The following CACNA1A variants were observed in gnomAD, a reference collection of about 807,000 sequenced individuals.
CACNA1A encodes calcium voltage-gated channel subunit alpha1 A, also known as voltage-dependent P/Q-type calcium channel subunit alpha-1A.
CACNA1A carries 57 observed loss-of-function variants against 262.4 expected under a neutral mutation model. That is an observed-to-expected ratio of 0.22 (90% CI 0.18 to 0.27). CACNA1A has a LOEUF of 0.27. CACNA1A is among the 10% of genes least tolerant of loss of function. The pLI, the probability that CACNA1A is intolerant of heterozygous loss-of-function variation, is 1.00. For synonymous variants in CACNA1A, 1,431 were observed against 1,419.3 expected (o/e 1.01, Z -0.18); for missense variants, 2,526 against 3,562.8 (o/e 0.71, Z 7.41).
At chr19:13,392,080 G>A (rs2059720559) in intron 3 of CACNA1A, among the ~76,000 whole-genome samples, 1 of 151,102 alleles carries the variant, frequency 6.6e-6, no homozygotes, top group African/African-American at 2.4e-5. Flanking sequence ...GCACAACGTT[G>A]CATGTCTGTG....
intron 3 of CACNA1A, among the ~76,000 whole-genome samples, chr19:13,390,888 T>C (rs547121329): frequency 9.7e-4 from 147 of 152,260 alleles, no homozygotes; most frequent in Non-Finnish European, 1.1e-3. Flanking sequence ...AACCACCTGC[T>C]ATTGCATCTT....
At chr19:13,413,328 A>T (rs10406678) in intron 3 of CACNA1A, among the ~76,000 whole-genome samples, 3 of 150,618 alleles carry the variant, frequency 2.0e-5, no homozygotes, top group Non-Finnish European at 4.4e-5. Flanking sequence ...GGATGGTCTC[A>T]ATCTCCTGAC....
At chr19:13,260,348 T>TTG (rs1388590119) in intron 26 of CACNA1A, 58 of 140,710 alleles carry the variant, frequency 4.1e-4, no homozygotes, top group Non-Finnish European at 6.2e-4. Context: ...GTTGTTGTTG[T>TTG]TTGTTTGTTT....
intron 3 of CACNA1A, among the ~76,000 whole-genome samples, chr19:13,388,348 C>T (rs1023756261): frequency 6.8e-6 from 1 of 147,418 alleles, no homozygotes; most frequent in African/African-American, 2.5e-5. Context: ...CTCTGCCTCC[C>T]GGGTTCAAGT....
chr19:13,390,848 C>T (rs889950374), intron 3 of CACNA1A, among the ~76,000 whole-genome samples: 3 of 152,142 alleles, frequency 2.0e-5, no homozygotes, highest in Non-Finnish European at 4.4e-5. Context: ...AATGGGACAA[C>T]CAGCATCTGG....
chr19:13,257,218 G>A (rs1020594033), intron 28 of CACNA1A, 132 bp downstream of exon 28: 17 of 675,834 alleles, frequency 2.5e-5, no homozygotes, highest in South Asian at 7.8e-5. Context: ...CCTGAAGACT[G>A]GATTCGGTTG....
At chr19:13,251,131 CAA>C (rs60032613) in intron 30 of CACNA1A, among the ~76,000 whole-genome samples, 1 of 131,492 alleles carries the variant, frequency 7.6e-6, no homozygotes, top group Non-Finnish European at 1.6e-5. Flanking sequence ...GACTGTGTCT[CAA>C]AAAAAAAAAA....
Position 13,206,747 on chromosome 19 carries a change from T to TTGTG in CACNA1A, c.*562_*565dup, listed in dbSNP as rs1231869350. The TTGTG allele has an allele frequency of 6.5e-6, 1 of 154,190 alleles. No individual in the cohort carries two copies. The highest frequency in any genetic ancestry group is 2.4e-5 in the African/African-American group (1 of 41,446). The allele number at this position is 154,190 out of a possible 1,614,324, so 9.6% of individuals were successfully genotyped here. ...GGTTTGGTATAACCGGCAAGCACTC[T>TTGTG]TGTGTGTGTCTGAGAACGTGTGTGG... On this transcript the variant is annotated 3_prime_UTR_variant, in exon 47 of 47. Transcript: ENST00000360228.
intron 22 of CACNA1A, among the ~76,000 whole-genome samples, chr19:13,278,176 G>C (rs770467669): frequency 1.7e-4 from 26 of 151,128 alleles, no homozygotes; most frequent in Non-Finnish European, 2.7e-4. Flanking sequence ...GAACACCAAA[G>C]AAGTCAGGCA....
intron 3 of CACNA1A, among the ~76,000 whole-genome samples, chr19:13,416,383 G>T (rs920925642): frequency 6.6e-6 from 1 of 152,172 alleles, no homozygotes; most frequent in South Asian, 2.1e-4. Flanking sequence ...GATTACAGGC[G>T]TGAGGCACAG....
At chr19:13,463,070 T>A (rs2061153811) in intron 1 of CACNA1A, among the ~76,000 whole-genome samples, 3 of 151,914 alleles carry the variant, frequency 2.0e-5, no homozygotes, top group African/African-American at 7.3e-5. Context: ...CCACAGTCTA[T>A]GCTTTTAAGC....
intron 6 of CACNA1A, among the ~76,000 whole-genome samples, chr19:13,352,472 A>C (rs2058930817): frequency 6.6e-6 from 1 of 151,996 alleles, no homozygotes; most frequent in South Asian, 2.1e-4. Context: ...AGTATTGAGA[A>C]TATCAAGATT....
Position 13,365,494 on chromosome 19 carries a change from C to T in CACNA1A, c.632-25G>A, listed in dbSNP as rs544863451. On this transcript the variant is annotated intron_variant, in intron 4 of 46. Coordinates refer to ENST00000360228, the MANE Select transcript of CACNA1A (RefSeq NM_001127222.2). The stretch of plus-strand genomic sequence containing the variant: ...CCTGGGGGGACACAGAGAGAGGCCC[C>T]ATAAGCCCATGAGCAAGTACCCCCA... 10 of 1,609,832 alleles carry T rather than the reference C, an allele frequency of 6.2e-6. 1 individual carries two copies. In the South Asian group the frequency reaches 1.1e-4, roughly 18 times the overall value.
intron 19 of CACNA1A, among the ~76,000 whole-genome samples, chr19:13,296,707 A>G (rs909427224): frequency 1.3e-5 from 2 of 151,310 alleles, no homozygotes; most frequent in South Asian, 2.1e-4. Flanking sequence ...AAGCTTTGAA[A>G]CTCTGCTCTC....
chr19:13,216,332 A>C (rs1211512495), intron 38 of CACNA1A, among the ~76,000 whole-genome samples: 1 of 151,844 alleles, frequency 6.6e-6, no homozygotes, highest in Non-Finnish European at 1.5e-5. Context: ...ATTTATTATT[A>C]TTTTTATTAT....
At chr19:13,234,727 C>T (rs1302708550) in intron 34 of CACNA1A, 194 bp downstream of exon 34, 6 of 557,234 alleles carry the variant, frequency 1.1e-5, no homozygotes, top group African/African-American at 7.6e-5. Flanking sequence ...AGAAGGCCGG[C>T]ACGTCCCCTA....
chr19:13,452,508 C>T (rs2060934473), intron 3 of CACNA1A: 1 of 166,972 alleles, frequency 6.0e-6, no homozygotes, highest in South Asian at 1.9e-4. Flanking sequence ...CCAGTTCCAT[C>T]ACTTACTTGC....
chr19:13,462,319 A>G (rs2061138196), intron 1 of CACNA1A, among the ~76,000 whole-genome samples: 1 of 152,224 alleles, frequency 6.6e-6, no homozygotes, highest in East Asian at 1.9e-4. Context: ...GCAGTTAGCC[A>G]GGTCATTGAG....
intron 30 of CACNA1A, among the ~76,000 whole-genome samples, chr19:13,247,713 A>AATAAAAATAAAT (rs1555741538): frequency 2.0e-5 from 3 of 146,628 alleles, no homozygotes; most frequent in African/African-American, 7.7e-5. Context: ...TAAATAAATA[A>AATAAAAATAAAT]AAATAAATAA....
Sources: allele counts gnomAD v4.1 joint callset (sites outside exome capture counted in the v4.1 genomes callset), GRCh38; gene constraint gnomAD v4.1.1; transcripts MANE v1.5; gene names NCBI Gene and HGNC (gene_info 2026-07-23, HGNC 2026-07-21).